The following ILRUN variants were observed in gnomAD, a reference collection of about 807,000 sequenced individuals.
ILRUN encodes the protein protein ILRUN.
In ILRUN, 3 loss-of-function variants were observed where a neutral mutation model predicts 33.8. The observed-to-expected ratio is 0.09, with a 90% CI of 0.04 to 0.23. The LOEUF (loss-of-function observed/expected upper bound fraction) is 0.23. ILRUN is among the 10% of genes least tolerant of loss of function. ILRUN has a pLI of 1.00. For synonymous variants in ILRUN, 124 were observed against 138.9 expected (o/e 0.89, Z 0.75); for missense variants, 210 against 375.1 (o/e 0.56, Z 3.64).
chr6:34,630,910 A>G (rs1762232396), intron 3 of ILRUN, among the ~76,000 whole-genome samples: 1 of 152,204 alleles, frequency 6.6e-6, no homozygotes, highest in Non-Finnish European at 1.5e-5. Flanking sequence ...AGTTGTGTCC[A>G]GTCACTAACA....
At chr6:34,607,370 A>C (rs1189454384) in intron 3 of ILRUN, among the ~76,000 whole-genome samples, 1 of 152,230 alleles carries the variant, frequency 6.6e-6, no homozygotes, top group Non-Finnish European at 1.5e-5. Flanking sequence ...ATGTTGTCCA[A>C]ACTAGGACAA....
chr6:34,606,575 A>C lies in ILRUN; in HGVS notation c.841T>G (p.Ser281Ala). 1 of 1,613,950 alleles carries C rather than the reference A, an allele frequency of 6.2e-7. No individual in the cohort carries two copies. The highest frequency in any genetic ancestry group is 8.5e-7 in the Non-Finnish European group (1 of 1,179,920). The change falls in exon 4 of 5, where the codon TCA becomes GCA. Residue 281 changes from serine to alanine, a missense_variant. Physicochemically the swap from Ser to Ala is moderately conservative, Grantham distance 99. Transcript: ENST00000374023. ...LSPSSHANNL[S>A]VVTYSKGLHG... ...CCTACCTTACTGTAAGTCACTACTG[A>C]TAAGTTGTTTGCGTGACTGCTGGGA...
At chr6:34,640,406 A>G (rs1762447122) in intron 3 of ILRUN, among the ~76,000 whole-genome samples, 1 of 152,108 alleles carries the variant, frequency 6.6e-6, no homozygotes, top group African/African-American at 2.4e-5. Context: ...ACAATCTAAG[A>G]GTTATTATAA....
chr6:34,666,089 C>A (rs762349294), intron 1 of ILRUN, among the ~76,000 whole-genome samples: 14 of 152,086 alleles, frequency 9.2e-5, no homozygotes, highest in Non-Finnish European at 2.9e-5. Context: ...GGTAAACAAA[C>A]CTTAGCCAAA....
intron 2 of ILRUN, among the ~76,000 whole-genome samples, chr6:34,650,880 C>T (rs947053181): frequency 1.3e-5 from 2 of 152,170 alleles, no homozygotes; most frequent in African/African-American, 4.8e-5. Context: ...TAAAACATGA[C>T]AAGACAGAAG....
chr6:34,645,550 T>C (rs1265413029), intron 3 of ILRUN, among the ~76,000 whole-genome samples: 1 of 151,964 alleles, frequency 6.6e-6, no homozygotes. Context: ...AATTTTATTT[T>C]TTGTAGAGAC....
intron 1 of ILRUN, among the ~76,000 whole-genome samples, chr6:34,662,451 A>G (rs1002499387): frequency 2.0e-5 from 3 of 152,264 alleles, no homozygotes; most frequent in Admixed American, 2.0e-4. Context: ...GCGTGTTCAG[A>G]GCAGCATTAT....
chr6:34,659,089 T>C (rs1385753914), intron 1 of ILRUN, among the ~76,000 whole-genome samples: 1 of 152,248 alleles, frequency 6.6e-6, no homozygotes, highest in Non-Finnish European at 1.5e-5. Flanking sequence ...AAGACAGGCA[T>C]GGCCCTTGCC....
intron 1 of ILRUN, among the ~76,000 whole-genome samples, chr6:34,666,113 T>C (rs1303953948): frequency 2.0e-5 from 3 of 152,220 alleles, no homozygotes; most frequent in Non-Finnish European, 4.4e-5. Context: ...TAATATATGA[T>C]GGGCAAAGAC....
chr6:34,617,712 C>A (rs1562004400), intron 3 of ILRUN, among the ~76,000 whole-genome samples: 1 of 152,200 alleles, frequency 6.6e-6, no homozygotes, highest in Non-Finnish European at 1.5e-5. Flanking sequence ...CATCCCTACC[C>A]ATTCTCACTC....
At chr6:34,694,597 C>T (rs756865471) in intron 1 of ILRUN, among the ~76,000 whole-genome samples, 2 of 152,148 alleles carry the variant, frequency 1.3e-5, no homozygotes, top group East Asian at 1.9e-4. Context: ...GATCATCAGA[C>T]GTAACAGATA....
chr6:34,657,954 T>G (rs1582085784), intron 1 of ILRUN, among the ~76,000 whole-genome samples: 1 of 152,156 alleles, frequency 6.6e-6, no homozygotes, highest in East Asian at 1.9e-4. Context: ...ATTCCTTCAG[T>G]TTTTCTGCTC....
chr6:34,616,883 A>T, intron 3 of ILRUN: 6 of 653,998 alleles, frequency 9.2e-6, no homozygotes, highest in Non-Finnish European at 1.4e-5. Context: ...AACTTTTGTG[A>T]AGCTCAACAA....
rs917222986 is a variant in ILRUN, at chr6:34,684,061, G to C, written c.158+12385C>G. Reference sequence around the variant, plus strand: ...CCAATGCACTCCAGCCTGGGTGACAGAGCTCTGTACCCCACCCCCCAAAAA... The same window carrying C: ...CCAATGCACTCCAGCCTGGGTGACACAGCTCTGTACCCCACCCCCCAAAAA... On this transcript the variant is annotated intron_variant, in intron 1 of 4. Coordinates refer to ENST00000374023, the MANE Select transcript of ILRUN (RefSeq NM_024294.4). 3.3e-5 allele frequency among the ~76,000 whole-genome samples: 5 copies of C among 151,834 alleles called. No homozygotes were observed. The South Asian group carries it at 1.0e-3, about 32-fold the overall frequency.
intron 3 of ILRUN, among the ~76,000 whole-genome samples, chr6:34,631,456 T>C (rs1762243652): frequency 6.6e-6 from 1 of 151,884 alleles, no homozygotes; most frequent in South Asian, 2.1e-4. Context: ...GCCTTTCGAG[T>C]AGCAGGAATT....
intron 1 of ILRUN, among the ~76,000 whole-genome samples, chr6:34,680,115 C>T (rs898804620): frequency 3.3e-5 from 5 of 152,264 alleles, no homozygotes; most frequent in Non-Finnish European, 7.3e-5. Context: ...GCACAGGCTA[C>T]TTATGTTTGA....
rs183311226 is a variant in ILRUN at position 34,602,435 on chromosome 6, T to G, written c.861+4120A>C. Among the ~76,000 whole-genome samples the G allele has an allele frequency of 7.2e-4, 109 of 152,304 alleles. 1 individual carries two copies. Among genetic ancestry groups the G allele is most frequent in the African/African-American group, 2.5e-3 (102 of 41,572 alleles). Reference sequence around the variant, plus strand: ...CAGGACTTTTTTTTCTCTTTCCACATCTCTGTGAATTGTTTTTCATCAGTT... The same window carrying G: ...CAGGACTTTTTTTTCTCTTTCCACAGCTCTGTGAATTGTTTTTCATCAGTT... On this transcript the variant is annotated intron_variant, in intron 4 of 4. Transcript: ENST00000374023.
intron 3 of ILRUN, among the ~76,000 whole-genome samples, chr6:34,622,726 A>G (rs1434975873): frequency 6.6e-6 from 1 of 152,220 alleles, no homozygotes; most frequent in African/African-American, 2.4e-5. Flanking sequence ...TTGACAAATG[A>G]TCCAGTAACT....
intron 3 of ILRUN, among the ~76,000 whole-genome samples, chr6:34,623,010 T>C (rs535266319): frequency 4.4e-4 from 67 of 152,336 alleles, no homozygotes; most frequent in Non-Finnish European, 6.2e-4. Context: ...ACAGATACTA[T>C]ATAATTCCAC....
Sources: allele counts gnomAD v4.1 joint callset (sites outside exome capture counted in the v4.1 genomes callset), GRCh38; gene constraint gnomAD v4.1.1; transcripts MANE v1.5; gene names NCBI Gene and HGNC (gene_info 2026-07-23, HGNC 2026-07-21).